DYNC2H1: variants seen among roughly 807,000 people sequenced by gnomAD.
The protein encoded by DYNC2H1 is cytoplasmic dynein 2 heavy chain 1.
Under a neutral mutation model 570.0 loss-of-function variants are expected in DYNC2H1, and 410 were observed. The ratio of observed to expected loss-of-function variants is 0.72; its 90% confidence interval spans 0.66 to 0.78. The LOEUF (loss-of-function observed/expected upper bound fraction) is 0.78. Among genes scored for constraint, DYNC2H1 ranks in the 30% least tolerant of loss-of-function variants. DYNC2H1 has a pLI of 0.00. For synonymous variants in DYNC2H1, 1,688 were observed against 1,677.6 expected (o/e 1.01, Z -0.15); for missense variants, 4,865 against 5,046.4 (o/e 0.96, Z 1.09).
At chr11:103,317,633 C>A (rs1418376893) in intron 80 of DYNC2H1, among the ~76,000 whole-genome samples, 1 of 152,126 alleles carries the variant, frequency 6.6e-6, no homozygotes, top group Non-Finnish European at 1.5e-5. Flanking sequence ...CTCAAACAAG[C>A]CAGACTTGTT....
chr11:103,162,925 C>T (rs2134928926), intron 29 of DYNC2H1, 103 bp from the exon 30 acceptor site: 5 of 990,136 alleles, frequency 5.0e-6, no homozygotes, highest in South Asian at 4.7e-5. Context: ...CTTGAAATAA[C>T]AGTATAGAGT....
At chr11:103,234,279 A>G in intron 61 of DYNC2H1, 119 bp downstream of exon 61, 2 of 1,181,720 alleles carry the variant, frequency 1.7e-6, no homozygotes, top group Non-Finnish European at 2.3e-6. Flanking sequence ...CTCAGGATAA[A>G]TAATCTGGAT....
chr11:103,125,842 C>A (rs1858969897), intron 12 of DYNC2H1, among the ~76,000 whole-genome samples: 1 of 152,198 alleles, frequency 6.6e-6, no homozygotes. Flanking sequence ...TCACACTGTA[C>A]CCTATGCTTC....
At chr11:103,207,604 A>G (rs907959654) in intron 52 of DYNC2H1, among the ~76,000 whole-genome samples, 1 of 152,158 alleles carries the variant, frequency 6.6e-6, no homozygotes, top group African/African-American at 2.4e-5. Flanking sequence ...TTGGAGGCTT[A>G]AAGAGACACA....
chr11:103,340,870 T>TA (rs1355983871), intron 82 of DYNC2H1, among the ~76,000 whole-genome samples: 1 of 151,950 alleles, frequency 6.6e-6, no homozygotes, highest in African/African-American at 2.4e-5. Context: ...AATAATGGCA[T>TA]AAAAAAACAA....
intron 83 of DYNC2H1, among the ~76,000 whole-genome samples, chr11:103,388,678 A>G (rs1230934458): frequency 2.0e-5 from 3 of 147,932 alleles, no homozygotes; most frequent in African/African-American, 7.5e-5. Context: ...ATGTCCCATC[A>G]ATACCTAATT....
chr11:103,476,364 A>G (rs576471342), intron 88 of DYNC2H1, among the ~76,000 whole-genome samples: 4 of 152,290 alleles, frequency 2.6e-5, no homozygotes, highest in African/African-American at 7.2e-5. Context: ...ATATTTTCCC[A>G]AAACTTATAT....
At chr11:103,158,648 A>G (rs1247904150) in intron 26 of DYNC2H1, 29 bp from the exon 27 acceptor site, 1 of 1,500,900 alleles carries the variant, frequency 6.7e-7, no homozygotes, top group South Asian at 1.3e-5. Context: ...GTTAAAGTAG[A>G]TGTGAAGATA....
chr11:103,440,800 C>T (rs972238420), intron 85 of DYNC2H1, among the ~76,000 whole-genome samples: 2 of 152,162 alleles, frequency 1.3e-5, no homozygotes, highest in African/African-American at 2.4e-5. Flanking sequence ...TCCTCTCACA[C>T]TTTATATCCA....
Position 103,186,523 on chromosome 11 carries a change from G to A in DYNC2H1, c.6893+22G>A. 1 of 1,600,850 alleles carries A rather than the reference G, an allele frequency of 6.2e-7. No individual in the cohort carries two copies. Among genetic ancestry groups the A allele is most frequent in the South Asian group, 1.1e-5 (1 of 90,724 alleles). ...AAGGGTAAGAAAAATATTGGCAAAG[G>A]TATATGTTGTGGATTTATTCCTGCC... On this transcript the variant is annotated intron_variant, in intron 42 of 88. Coordinates refer to ENST00000375735, the MANE Select transcript of DYNC2H1 (RefSeq NM_001377.3). The surrounding 1 kb of genome is among the most constrained non-coding windows in gnomAD (Gnocchi z 4.5).
chr11:103,186,341 A>T lies in DYNC2H1; in HGVS notation c.6733A>T (p.Lys2245Ter). The T allele has an allele frequency of 6.2e-7, 1 of 1,612,850 alleles. No individual in the cohort carries two copies. ...TCGATTAGCAACATATGTGCTTAAGAAGCCAGAAGACTTGACTGCTGATGA... is the reference window on the plus strand; with the variant it reads ...TCGATTAGCAACATATGTGCTTAAGTAGCCAGAAGACTTGACTGCTGATGA... Reference protein sequence around the residue: ...RGRLATYVLKKPEDLTADDFS... With the variant: ...RGRLATYVLK Residue 2245 changes from lysine (K) to a stop codon, truncating the protein, a stop_gained, in exon 42 of 89, where the codon AAG becomes TAG. Coordinates refer to ENST00000375735, the MANE Select transcript of DYNC2H1 (RefSeq NM_001377.3). LOFTEE classifies it high-confidence loss of function. This position sits in a 1 kb window ranked among gnomAD's most constrained non-coding sequence, Gnocchi z 4.5.
In DYNC2H1 at chr11:103,155,382, C is replaced by A; in HGVS notation, c.3625C>A (p.His1209Asn). Residue 1209 changes from histidine (H) to asparagine (N), a missense_variant, in exon 25 of 89, where the codon CAC becomes AAC. Coordinates refer to ENST00000375735, the MANE Select transcript of DYNC2H1 (RefSeq NM_001377.3). ...GAGAGGGGAGCATCTTTCTCCAGAT[C>A]ACTGGCTTGACCTTTTTCGTCTCCT... is the stretch of plus-strand genomic sequence containing the variant. ...YVRGEHLSPDHWLDLFRLLGL... is the reference protein window; with the variant it reads ...YVRGEHLSPDNWLDLFRLLGL... 6.2e-7 allele frequency: 1 copy of A among 1,611,032 alleles called. No homozygotes were observed.
intron 83 of DYNC2H1, among the ~76,000 whole-genome samples, chr11:103,367,686 G>A (rs1940971082): frequency 6.6e-6 from 1 of 152,006 alleles, no homozygotes; most frequent in Admixed American, 6.6e-5. Context: ...ACCCTGCTGG[G>A]CAATAGAACA....
At position 103,325,258 on chromosome 11, in the gene DYNC2H1, C is replaced by T. The variant is rs1315133505; in HGVS notation, c.12039+1268C>T. Among the ~76,000 whole-genome samples the T allele has an allele frequency of 6.6e-6, 1 of 152,140 alleles. No homozygotes were observed. Among genetic ancestry groups the T allele is most frequent in the Non-Finnish European group, 1.5e-5 (1 of 68,020 alleles). On this transcript the variant is annotated intron_variant, in intron 82 of 88. Coordinates refer to ENST00000375735, the MANE Select transcript of DYNC2H1 (RefSeq NM_001377.3). This position sits in a 1 kb window ranked among gnomAD's most constrained non-coding sequence, Gnocchi z 4.8. ...TTGTTTGGGTTGCAATTGCTGTTGGCATCTTTGTCATGAAATTTTTGGGCC... is the reference window on the plus strand; with the variant it reads ...TTGTTTGGGTTGCAATTGCTGTTGGTATCTTTGTCATGAAATTTTTGGGCC...
intron 80 of DYNC2H1, among the ~76,000 whole-genome samples, chr11:103,317,527 T>G (rs919445724): frequency 7.9e-5 from 12 of 152,306 alleles, no homozygotes; most frequent in African/African-American, 2.9e-4. Context: ...GCAAACATTC[T>G]TCATACCATA....
chr11:103,158,650 G>T, intron 26 of DYNC2H1, 27 bp from the exon 27 acceptor site: 1 of 1,505,496 alleles, frequency 6.6e-7, no homozygotes, highest in African/African-American at 1.4e-5. Context: ...TAAAGTAGAT[G>T]TGAAGATACT....
At position 103,239,892 on chromosome 11, in the gene DYNC2H1, T is replaced by C. The variant is rs191405221; in HGVS notation, c.9819+3353T>C. On this transcript the variant is annotated intron_variant, in intron 63 of 88. Transcript: ENST00000375735. This position sits in a 1 kb window ranked among gnomAD's most constrained non-coding sequence, Gnocchi z 4.3. ...TTTTTCCCCCAAGGAGAGAAGAATT[T>C]AAATAGAGATTATGTATCTTTAGTT... Among the ~76,000 whole-genome samples the C allele has an allele frequency of 1.3e-5, 2 of 152,258 alleles. No individual in the cohort carries two copies. The highest frequency in any genetic ancestry group is 3.9e-4 in the East Asian group (2 of 5,188).
At chr11:103,156,800 A>G (rs779492218) in intron 26 of DYNC2H1, 30 bp downstream of exon 26, 2 of 1,575,178 alleles carry the variant, frequency 1.3e-6, no homozygotes, top group African/African-American at 2.8e-5. Flanking sequence ...ACATAGACAC[A>G]TATGGTATTT....
intron 83 of DYNC2H1, among the ~76,000 whole-genome samples, chr11:103,374,863 T>A (rs1056362675): frequency 6.6e-6 from 1 of 152,170 alleles, no homozygotes; most frequent in African/African-American, 2.4e-5. Context: ...AAAAACCCAT[T>A]TTCTGGGAGA....
Sources: gnomAD v4.1 joint callset for allele counts (sites outside exome capture counted in the v4.1 genomes callset) on GRCh38, gnomAD v4.1.1 for gene constraint, Gnocchi (gnomAD v3.1) non-coding constraint, MANE v1.5 for transcripts, NCBI Gene and HGNC (gene_info 2026-07-23, HGNC 2026-07-21) for gene names.